The following TRIO variants were observed in gnomAD, a reference collection of about 807,000 sequenced individuals.
TRIO encodes trio Rho guanine nucleotide exchange factor.
Under a neutral mutation model 351.9 loss-of-function variants are expected in TRIO, and 58 were observed. The ratio of observed to expected loss-of-function variants is 0.16; its 90% CI spans 0.13 to 0.21. TRIO has a LOEUF of 0.21. TRIO is among the 10% of genes least tolerant of loss of function. TRIO has a pLI of 1.00. For synonymous variants in TRIO, 1,758 were observed against 1,595.7 expected (o/e 1.10, Z -2.42); for missense variants, 3,201 against 4,027.8 (o/e 0.79, Z 5.56).
At chr5:14,162,507 T>C (rs1161859853) in intron 1 of TRIO, among the ~76,000 whole-genome samples, 1 of 152,232 alleles carries the variant, frequency 6.6e-6, no homozygotes. Flanking sequence ...AGATCTAAAA[T>C]GGGTATTAGA....
intron 9 of TRIO, among the ~76,000 whole-genome samples, chr5:14,327,659 A>G (rs911743506): frequency 1.3e-5 from 2 of 152,134 alleles, no homozygotes; most frequent in African/African-American, 4.8e-5. Context: ...TATACCGAAT[A>G]TATTATATAA....
rs74799606 is a variant in TRIO at position 14,353,516 on chromosome 5, G to A, written c.2047-4662G>A. Among the ~76,000 whole-genome samples the A allele has an allele frequency of 6.8e-3, 1,028 of 152,064 alleles. 10 individuals carry two copies. Among genetic ancestry groups the A allele is most frequent in the African/African-American group, 0.024 (985 of 41,490 alleles). On this transcript the variant is annotated intron_variant, in intron 11 of 56. Transcript: ENST00000344204. ...TGACCTCAGGTGATCTGCCCGCCTC[G>A]ACCTCTGAGTGCTGGGAAATACAGG...
At chr5:14,180,881 TTTTAA>T (rs1172070679) in intron 1 of TRIO, among the ~76,000 whole-genome samples, 2 of 152,116 alleles carry the variant, frequency 1.3e-5, no homozygotes, top group Non-Finnish European at 2.9e-5. Context: ...AGGTAGGCAG[TTTTAA>T]TTTTCTTTTG....
chr5:14,449,287 T>A (rs1752668352), intron 34 of TRIO, among the ~76,000 whole-genome samples: 1 of 152,152 alleles, frequency 6.6e-6, no homozygotes, highest in Non-Finnish European at 1.5e-5. Flanking sequence ...AAAGACGCCC[T>A]CTCGGCCCCA....
rs755765988 is a variant in TRIO at position 14,406,623 on chromosome 5, C to A, written c.4910C>A (p.Thr1637Lys). The A allele has an allele frequency of 6.2e-7, 1 of 1,614,092 alleles. No individual in the cohort carries two copies. The highest frequency in any genetic ancestry group is 8.5e-7 in the Non-Finnish European group (1 of 1,179,982). Reference protein sequence around the residue: ...SQGDGSSQPDTISIASRTSQN... With the variant: ...SQGDGSSQPDKISIASRTSQN... Reference sequence around the variant, plus strand: ...GGAGACGGCAGCAGCCAGCCTGATACGATTTCCATCGCCTCACGGACGTCT... The same window carrying A: ...GGAGACGGCAGCAGCCAGCCTGATAAGATTTCCATCGCCTCACGGACGTCT... The change falls in exon 33 of 57, where the codon ACG becomes AAG. Residue 1637 changes from threonine to lysine, a missense_variant. Physicochemically the swap from Thr to Lys is moderately conservative, Grantham distance 78. Around this residue, in one of 19 missense-constraint regions of TRIO, gnomAD observed 136 missense variants for 229.5 expected, o/e 0.59. Coordinates refer to ENST00000344204, the MANE Select transcript of TRIO (RefSeq NM_007118.4).
Position 14,452,100 on chromosome 5 carries a change from T to G in TRIO, c.5204-8919T>G, listed in dbSNP as rs988569169. ...AGACCCACATGTGTGCATGTTTGGCTGACGTTATGTGGCATGAGGGCTGCC... is the reference window on the plus strand; with the variant it reads ...AGACCCACATGTGTGCATGTTTGGCGGACGTTATGTGGCATGAGGGCTGCC... On this transcript the variant is annotated intron_variant, in intron 34 of 56. Transcript: ENST00000344204. Among the ~76,000 whole-genome samples the G allele has an allele frequency of 2.0e-5, 3 of 152,238 alleles. No homozygotes were observed. The East Asian group carries it at 5.8e-4, about 29-fold the overall frequency.
chr5:14,144,715 G>C (rs537634367), intron 1 of TRIO, among the ~76,000 whole-genome samples: 5 of 152,060 alleles, frequency 3.3e-5, no homozygotes, highest in African/African-American at 1.2e-4. Flanking sequence ...GTGGCGACCG[G>C]TCCGCGGGAG....
At chr5:14,210,674 T>C (rs904492347) in intron 1 of TRIO, among the ~76,000 whole-genome samples, 2 of 152,186 alleles carry the variant, frequency 1.3e-5, no homozygotes, top group African/African-American at 2.4e-5. Context: ...AGGAAATAAA[T>C]TTTTATTTCA....
intron 7 of TRIO, 51 bp downstream of exon 7, chr5:14,297,314 C>T (rs1465901591): frequency 1.3e-6 from 2 of 1,561,992 alleles, no homozygotes; most frequent in Non-Finnish European, 1.7e-6. Flanking sequence ...AATAGTTCTT[C>T]CTCCATGAAT....
At position 14,286,562 on chromosome 5, in the gene TRIO, C is replaced by T. The variant is rs1397893669; in HGVS notation, c.348-309C>T. Among the ~76,000 whole-genome samples the T allele has an allele frequency of 6.6e-6, 1 of 152,116 alleles. No individual in the cohort carries two copies. Among genetic ancestry groups the T allele is most frequent in the Admixed American group, 6.5e-5 (1 of 15,274 alleles). The stretch of plus-strand genomic sequence containing the variant: ...GAGTTCATGTAATCAATTAATGCAC[C>T]AAAGTCAGGAGAAATGGGCATGGTG... On this transcript the variant is annotated intron_variant, in intron 3 of 56. Coordinates refer to ENST00000344204, the MANE Select transcript of TRIO (RefSeq NM_007118.4). The surrounding 1 kb of genome is among the most constrained non-coding windows in gnomAD (Gnocchi z 4.4).
intron 11 of TRIO, among the ~76,000 whole-genome samples, chr5:14,350,970 G>A (rs781260696): frequency 1.3e-5 from 2 of 152,054 alleles, no homozygotes; most frequent in South Asian, 2.1e-4. Flanking sequence ...TGGATTCCTC[G>A]CATGCACAAT....
intron 51 of TRIO, 37 bp from the exon 52 acceptor site, chr5:14,498,052 G>A: frequency 6.2e-7 from 1 of 1,613,780 alleles, no homozygotes; most frequent in Non-Finnish European, 8.5e-7. Flanking sequence ...GGAGGAGCCA[G>A]GGCTGATGGG....
At chr5:14,287,320 TTGG>T (rs1736536317) in intron 4 of TRIO, among the ~76,000 whole-genome samples, 1 of 152,236 alleles carries the variant, frequency 6.6e-6, no homozygotes, top group South Asian at 2.1e-4. Context: ...TTGTGAGGCC[TTGG>T]CAGAGAAGCT....
chr5:14,263,971 C>T (rs1404934335), intron 1 of TRIO, among the ~76,000 whole-genome samples: 2 of 152,196 alleles, frequency 1.3e-5, no homozygotes, highest in Non-Finnish European at 2.9e-5. Context: ...CACCTGGGCA[C>T]ATGGTTTCTT....
chr5:14,424,936 A>G (rs1750513953), intron 34 of TRIO, among the ~76,000 whole-genome samples: 1 of 152,176 alleles, frequency 6.6e-6, no homozygotes, highest in African/African-American at 2.4e-5. Context: ...TGACTGTCTT[A>G]GCAACTTTTT....
chr5:14,207,321 C>T (rs1432884654), intron 1 of TRIO, among the ~76,000 whole-genome samples: 344 of 7,278 alleles, frequency 0.047, 99 homozygotes, highest in South Asian at 0.13. Flanking sequence ...CTGTCTCTCA[C>T]ACACACACAC....
rs572769712 is a variant in TRIO, at chr5:14,345,071, G to A, written c.2046+8344G>A. On this transcript the variant is annotated intron_variant, in intron 11 of 56. Coordinates refer to ENST00000344204, the MANE Select transcript of TRIO (RefSeq NM_007118.4). ...GTGATATTATAATATTATCTGAAAG[G>A]AAAGTCCTTTTATCAGAATAACTTA... Among the ~76,000 whole-genome samples the A allele has an allele frequency of 1.2e-3, 180 of 152,292 alleles. 2 individuals are homozygous for A. The highest frequency in any genetic ancestry group is 4.1e-3 in the African/African-American group (170 of 41,560).
intron 1 of TRIO, among the ~76,000 whole-genome samples, chr5:14,146,083 C>T (rs751958452): frequency 5.9e-5 from 9 of 151,756 alleles, no homozygotes; most frequent in Non-Finnish European, 1.2e-4. Context: ...GTGAAATCTC[C>T]TTTGGGCAGC....
At chr5:14,504,119 C>T (rs1231001652) in intron 54 of TRIO, among the ~76,000 whole-genome samples, 2 of 152,380 alleles carry the variant, frequency 1.3e-5, no homozygotes, top group Middle Eastern at 3.4e-3. Context: ...TCCTCTGTCA[C>T]TTCCACCACA....
Sources: allele counts gnomAD v4.1 joint callset (sites outside exome capture counted in the v4.1 genomes callset), GRCh38; gene constraint gnomAD v4.1.1; regional missense constraint gnomAD v4.1.1; non-coding constraint Gnocchi (gnomAD v3.1); transcripts MANE v1.5; gene names NCBI Gene and HGNC (gene_info 2026-07-23, HGNC 2026-07-21).